Variants in CTNNA2 observed in about 807,000 individuals in gnomAD.
CTNNA2 encodes catenin alpha 2.
Under a neutral mutation model 101.0 loss-of-function variants are expected in CTNNA2, and 42 were observed. The ratio of observed to expected loss-of-function variants is 0.42; its 90% CI spans 0.32 to 0.54. The LOEUF (loss-of-function observed/expected upper bound fraction) is 0.54. Ranked by LOEUF, CTNNA2 falls within the 20% of genes least tolerant of loss-of-function variation. The pLI, the probability that CTNNA2 is intolerant of heterozygous loss-of-function variation, is 0.14. For missense variants in CTNNA2, 871 were observed against 1,223.1 expected (o/e 0.71, Z 4.29); for synonymous variants, 450 against 456.4 (o/e 0.99, Z 0.18).
At chr2:79,654,832 A>G (rs942907934) in intron 2 of CTNNA2, among the ~76,000 whole-genome samples, 1 of 152,208 alleles carries the variant, frequency 6.6e-6, no homozygotes, top group African/African-American at 2.4e-5. Context: ...TAATACTGAT[A>G]GGAAGTATGT....
intron 7 of CTNNA2, among the ~76,000 whole-genome samples, chr2:80,375,453 G>T (rs1045511748): frequency 7.2e-5 from 11 of 152,078 alleles, no homozygotes; most frequent in African/African-American, 2.2e-4. Flanking sequence ...CTTCTGTACA[G>T]GTAATGAAAA....
At chr2:79,895,204 G>C (rs1490556137) in intron 6 of CTNNA2, among the ~76,000 whole-genome samples, 2 of 152,138 alleles carry the variant, frequency 1.3e-5, no homozygotes, top group Non-Finnish European at 2.9e-5. Flanking sequence ...GTATTTTCAG[G>C]CCATGCAATG....
At chr2:80,280,340 C>G (rs2592069) in intron 7 of CTNNA2, among the ~76,000 whole-genome samples, 59,216 of 150,442 alleles carry the variant, frequency 0.39, 13,513 homozygotes, top group Non-Finnish European at 0.51. Flanking sequence ...ACCCACTTCC[C>G]TGGGGACGTC....
intron 1 of CTNNA2, among the ~76,000 whole-genome samples, chr2:79,621,324 G>A (rs1475113687): frequency 6.6e-6 from 1 of 152,070 alleles, no homozygotes; most frequent in African/African-American, 2.4e-5. Flanking sequence ...CAGGCTCCTC[G>A]GAGAAATGGC....
intron 3 of CTNNA2, among the ~76,000 whole-genome samples, chr2:79,335,019 C>A (rs1417145034): frequency 1.3e-5 from 2 of 152,132 alleles, no homozygotes; most frequent in East Asian, 3.9e-4. Flanking sequence ...ACACATTCAA[C>A]CCACACCCAT....
intron 7 of CTNNA2, among the ~76,000 whole-genome samples, chr2:80,141,696 A>C (rs1207749856): frequency 1.3e-5 from 2 of 152,082 alleles, no homozygotes; most frequent in African/African-American, 4.8e-5. Context: ...GCATGGAAAT[A>C]AAGGAAAATC....
At chr2:80,094,143 A>T (rs1699985299) in intron 7 of CTNNA2, among the ~76,000 whole-genome samples, 1 of 152,158 alleles carries the variant, frequency 6.6e-6, no homozygotes, top group African/African-American at 2.4e-5. Flanking sequence ...TTTTAAGTCT[A>T]ACATGTAAGT....
chr2:79,931,227 G>A lies in CTNNA2; in HGVS notation c.1056+21430G>A, dbSNP rs558701253. ...TTGTATGTTATTGACTCACCAATAA[G>A]TTGTAGTTTTATATCATTTAAATTC... On this transcript the variant is annotated intron_variant, in intron 7 of 18. Transcript: ENST00000402739. Among the ~76,000 whole-genome samples the A allele has an allele frequency of 3.3e-5, 5 of 152,228 alleles. No homozygotes were observed. In the East Asian group the frequency reaches 7.7e-4, roughly 23 times the overall value.
chr2:80,242,635 G>A (rs760476227), intron 7 of CTNNA2, among the ~76,000 whole-genome samples: 2 of 152,178 alleles, frequency 1.3e-5, no homozygotes, highest in African/African-American at 2.4e-5. Flanking sequence ...AGCAGGAAAC[G>A]TTTACATCTG....
intron 1 of CTNNA2, among the ~76,000 whole-genome samples, chr2:79,543,792 C>A (rs1428051297): frequency 6.6e-6 from 1 of 152,024 alleles, no homozygotes; most frequent in Non-Finnish European, 1.5e-5. Flanking sequence ...TATCATGATA[C>A]CAAAATTTCA....
intron 7 of CTNNA2, among the ~76,000 whole-genome samples, chr2:80,144,923 T>C (rs1703238979): frequency 1.3e-5 from 2 of 152,096 alleles, no homozygotes; most frequent in South Asian, 4.1e-4. Context: ...TGTAGCATCA[T>C]CCCTCGCCTC....
chr2:79,545,410 A>G (rs189331024), intron 1 of CTNNA2, among the ~76,000 whole-genome samples: 197 of 152,306 alleles, frequency 1.3e-3, no homozygotes, highest in Non-Finnish European at 2.3e-3. Flanking sequence ...TGGAGCCCAC[A>G]TCCGTGATAT....
At position 79,774,381 on chromosome 2, in the gene CTNNA2, C is replaced by A. The variant is rs1297163057; in HGVS notation, c.298+29799C>A. Among the ~76,000 whole-genome samples, 4 of 152,150 alleles carry A rather than the reference C, an allele frequency of 2.6e-5. No individual in the cohort carries two copies. In the East Asian group the frequency reaches 7.7e-4, roughly 29 times the overall value. ...TCTGTATTAGAAAGTTCAGAGAATA[C>A]CCGCCATGCCTCCAGTCATGGGAAC... On this transcript the variant is annotated intron_variant, in intron 3 of 18. Coordinates refer to ENST00000402739, the MANE Select transcript of CTNNA2 (RefSeq NM_001282597.3).
At chr2:79,572,345 T>C (rs1675510820) in intron 1 of CTNNA2, among the ~76,000 whole-genome samples, 1 of 152,154 alleles carries the variant, frequency 6.6e-6, no homozygotes, top group African/African-American at 2.4e-5. Context: ...AAGCTGAAAA[T>C]GTTTGAAAAC....
chr2:79,559,996 A>G (rs1227862037), intron 1 of CTNNA2, among the ~76,000 whole-genome samples: 1 of 151,822 alleles, frequency 6.6e-6, no homozygotes, highest in African/African-American at 2.4e-5. Flanking sequence ...GCTATTATGT[A>G]TGATATGTAT....
At chr2:80,352,329 AT>A (rs905694184) in intron 7 of CTNNA2, among the ~76,000 whole-genome samples, 25 of 152,058 alleles carry the variant, frequency 1.6e-4, no homozygotes, top group African/African-American at 3.6e-4. Context: ...TAAAGGAGCC[AT>A]TTTTTTTATT....
chr2:79,885,613 A>G lies in CTNNA2; in HGVS notation c.852+11271A>G, dbSNP rs932655720. 1.6e-4 allele frequency among the ~76,000 whole-genome samples: 24 copies of G among 152,216 alleles called. 1 individual carries two copies. Among genetic ancestry groups the G allele is most frequent in the African/African-American group, 5.8e-4 (24 of 41,456 alleles). On this transcript the variant is annotated intron_variant, in intron 6 of 18. Coordinates refer to ENST00000402739, the MANE Select transcript of CTNNA2 (RefSeq NM_001282597.3). ...GGGAAACTTGCCCCAGGCCTTATCT[A>G]CTTCGATATTTTATAAAGTCATTTG...
chr2:80,196,401 C>G (rs75173907), intron 7 of CTNNA2, among the ~76,000 whole-genome samples: 11 of 152,140 alleles, frequency 7.2e-5, no homozygotes, highest in African/African-American at 2.7e-4. Flanking sequence ...GCCCCTACCT[C>G]GTAACTTTCA....
chr2:79,730,694 A>G (rs1687141506), intron 2 of CTNNA2, among the ~76,000 whole-genome samples: 1 of 152,036 alleles, frequency 6.6e-6, no homozygotes, highest in African/African-American at 2.4e-5. Context: ...AGCATATCAT[A>G]GTTACCATGA....
Sources: gnomAD v4.1 joint callset for allele counts (sites outside exome capture counted in the v4.1 genomes callset) on GRCh38, gnomAD v4.1.1 for gene constraint, MANE v1.5 for transcripts, NCBI Gene and HGNC (gene_info 2026-07-23, HGNC 2026-07-21) for gene names.